POSTN: variants seen among roughly 807,000 people sequenced by gnomAD.
The protein encoded by POSTN is osteoblast specific factor 2 (fasciclin I-like).
Under a neutral mutation model 104.5 loss-of-function variants are expected in POSTN, and 71 were observed. The ratio of observed to expected loss-of-function variants is 0.68; its 90% CI spans 0.56 to 0.83. POSTN has a LOEUF of 0.83. POSTN is among the 40% of genes least tolerant of loss of function. POSTN has a pLI of 0.00. For synonymous variants in POSTN, 355 were observed against 340.7 expected (o/e 1.04, Z -0.46); for missense variants, 949 against 1,006.8 (o/e 0.94, Z 0.78).
chr13:37,592,287 T>C (rs976684504), intron 2 of POSTN, 123 bp from the exon 3 acceptor site: 7 of 683,130 alleles, frequency 1.0e-5, no homozygotes, highest in African/African-American at 9.4e-5. Context: ...TCAGGTTTTT[T>C]TTCCCCCCTG....
At chr13:37,569,636 A>G (rs1168336941) in intron 20 of POSTN, 108 bp downstream of exon 20, 5 of 952,732 alleles carry the variant, frequency 5.2e-6, no homozygotes, top group Non-Finnish European at 8.4e-6. Flanking sequence ...TTGGTATGGA[A>G]ATGAACAATA....
rs74930188 is a variant in POSTN, at chr13:37,577,457, G to A, written c.2008+296C>T. ...TTAGATATTTCTAGAGGGTCTTTTC[G>A]CCATCTCTTCCCTTTATATGTCTTT... On this transcript the variant is annotated intron_variant, in intron 16 of 22. Transcript: ENST00000379747. Among the ~76,000 whole-genome samples the A allele has an allele frequency of 0.016, 2,481 of 152,198 alleles. 32 individuals carry two copies. Among genetic ancestry groups the A allele is most frequent in the Non-Finnish European group, 0.025 (1,691 of 68,006 alleles).
chr13:37,567,373 G>GA lies in POSTN; in HGVS notation c.2431+1926dup, dbSNP rs34367215. 4.1e-3 allele frequency among the ~76,000 whole-genome samples: 594 copies of GA among 144,062 alleles called. 1 individual carries two copies. The highest frequency in any genetic ancestry group is 5.7e-3 in the Non-Finnish European group (372 of 65,162). The allele number at this position is 144,062 out of a possible 152,430, so 94.5% of individuals were successfully genotyped here. A position where few individuals can be genotyped will look rare whatever the true frequency, so the allele number is the denominator to read the frequency against. On this transcript the variant is annotated intron_variant, in intron 21 of 22. Transcript: ENST00000379747. ...ATATGTATTAATTGGCCAGACCTTG[G>GA]AAAAAAAAAAAGTCTTACATAGTGT...
At chr13:37,590,174 A>C (rs1429079749) in intron 4 of POSTN, among the ~76,000 whole-genome samples, 198 bp downstream of exon 4, 2 of 152,094 alleles carry the variant, frequency 1.3e-5, no homozygotes, top group Non-Finnish European at 2.9e-5. Context: ...ATTAAAGTAT[A>C]AGTCTCCTGG....
At chr13:37,566,145 A>G (rs2138141027) in intron 21 of POSTN, among the ~76,000 whole-genome samples, 1 of 152,316 alleles carries the variant, frequency 6.6e-6, no homozygotes, top group South Asian at 2.1e-4. Flanking sequence ...ATTAATGTGT[A>G]GAAAACAGGT....
Position 37,597,300 on chromosome 13 carries a change from AG to A in POSTN, c.120-19del, listed in dbSNP as rs1274365432. 6.6e-7 allele frequency: 1 copy of A among 1,526,076 alleles called. No individual in the cohort carries two copies. Among genetic ancestry groups the A allele is most frequent in the Non-Finnish European group, 8.9e-7 (1 of 1,126,958 alleles). 94.5% of individuals were successfully genotyped at this position (1,526,076 alleles called of 1,614,324 possible). A position where few individuals can be genotyped will look rare whatever the true frequency, so the allele number is the denominator to read the frequency against. The stretch of plus-strand genomic sequence containing the variant: ...CATTTGGGCTGGAGGATAGAGGGAA[AG>A]GAAAAAAGTTAATGTCCTAATAATG... On this transcript the variant is annotated intron_variant, in intron 1 of 22. Transcript: ENST00000379747.
chr13:37,566,516 T>C (rs1469104359), intron 21 of POSTN, among the ~76,000 whole-genome samples: 1 of 152,108 alleles, frequency 6.6e-6, no homozygotes, highest in African/African-American at 2.4e-5. Flanking sequence ...ATTTAGACTG[T>C]AGGTATCACT....
chr13:37,571,011 T>C (rs1466964102), intron 18 of POSTN: 1 of 290,114 alleles, frequency 3.4e-6, no homozygotes, highest in Non-Finnish European at 6.4e-6. Flanking sequence ...TGGAGTGGCT[T>C]ATTAGACAGA....
At chr13:37,582,733 G>A (rs1262396288) in intron 9 of POSTN, among the ~76,000 whole-genome samples, 1 of 152,208 alleles carries the variant, frequency 6.6e-6, no homozygotes, top group Non-Finnish European at 1.5e-5. Flanking sequence ...CAATAATACA[G>A]TTCCAACCAG....
Position 37,580,614 on chromosome 13 carries a change from G to A in POSTN, c.1476C>T (p.Ile492=). The change falls in exon 11 of 23, where the codon ATC becomes ATT. Residue 492 remains isoleucine, a synonymous_variant. Coordinates refer to ENST00000379747, the MANE Select transcript of POSTN (RefSeq NM_006475.3). ...NGAIHIFREI[I]KPAEKSLHEK... ...CATGGAGGGATTTCTCTGCTGGCTT[G>A]ATGATCTCGCGGAATATGTGAATCG... 4 of 1,614,054 alleles carry A rather than the reference G, an allele frequency of 2.5e-6. No individual in the cohort carries two copies. Among genetic ancestry groups the A allele is most frequent in the Non-Finnish European group, 3.4e-6 (4 of 1,179,998 alleles).
chr13:37,571,211 AC>A, intron 18 of POSTN, 157 bp downstream of exon 18: 1 of 532,706 alleles, frequency 1.9e-6, no homozygotes, highest in Non-Finnish European at 3.3e-6. Context: ...TTTATTTCTG[AC>A]CAGCTAATAA....
chr13:37,586,887 C>G lies in POSTN; in HGVS notation c.648G>C (p.Gln216His). 6.2e-7 allele frequency: 1 copy of G among 1,613,542 alleles called. No individual in the cohort carries two copies. Among genetic ancestry groups the G allele is most frequent in the Non-Finnish European group, 8.5e-7 (1 of 1,179,620 alleles). Reference protein sequence around the residue: ...VNCARIIHGNQIATNGVVHVI... With the variant: ...VNCARIIHGNHIATNGVVHVI... ...CATGGACAACACCATTTGTTGCAAT[C>G]TGGTTCCCATGGATGATTCGAGCAC... The change falls in exon 6 of 23, where the codon CAG becomes CAC. Residue 216 changes from glutamine to histidine, a missense_variant. Coordinates refer to ENST00000379747, the MANE Select transcript of POSTN (RefSeq NM_006475.3).
rs746992670 is a variant in POSTN at position 37,582,397 on chromosome 13, C to T, written c.1361G>A (p.Gly454Asp). The part of the protein sequence containing the change: ...YNGQILETIG[G>D]KQLRVFVYRT... Reference sequence around the variant, plus strand: ...ATATACGAAGACTCTGAGCTGTTTGCCTCCGATGGTTTCCAGTATTTGCCC... The same window carrying T: ...ATATACGAAGACTCTGAGCTGTTTGTCTCCGATGGTTTCCAGTATTTGCCC... Residue 454 changes from glycine to aspartate, a missense_variant, in exon 10 of 23, where the codon GGC becomes GAC. Gly to Asp is a moderately conservative substitution (Grantham distance 94, BLOSUM62 -1). Transcript: ENST00000379747. The T allele has an allele frequency of 6.2e-7, 1 of 1,613,610 alleles. No homozygotes were observed. Among genetic ancestry groups the T allele is most frequent in the South Asian group, 1.1e-5 (1 of 90,988 alleles).
chr13:37,577,968 G>A (rs1283630719), intron 15 of POSTN, among the ~76,000 whole-genome samples, 170 bp from the exon 16 acceptor site: 1 of 151,602 alleles, frequency 6.6e-6, no homozygotes, highest in Non-Finnish European at 1.5e-5. Flanking sequence ...TCAGGTCAGA[G>A]GGCATAAAAA....
At chr13:37,583,483 C>A (rs1339357559) in intron 9 of POSTN, among the ~76,000 whole-genome samples, 2 of 148,818 alleles carry the variant, frequency 1.3e-5, no homozygotes, top group Admixed American at 1.3e-4. Context: ...ACTCTGTCGC[C>A]CAGGCTAGAG....
chr13:37,570,793 A>C (rs1950240274), intron 18 of POSTN, 124 bp from the exon 19 acceptor site: 3 of 665,702 alleles, frequency 4.5e-6, no homozygotes, highest in Non-Finnish European at 7.8e-6. Context: ...TTCAATCATA[A>C]ACATTTTTAG....
At chr13:37,582,576 G>A (rs898742050) in intron 9 of POSTN, 62 bp from the exon 10 acceptor site, 59 of 1,404,400 alleles carry the variant, frequency 4.2e-5, no homozygotes, top group Non-Finnish European at 4.4e-5. Flanking sequence ...AGTTTCTCCC[G>A]GTAAGACAGA....
chr13:37,574,028 T>C (rs1184171993), intron 17 of POSTN, among the ~76,000 whole-genome samples: 1 of 151,712 alleles, frequency 6.6e-6, no homozygotes, highest in Non-Finnish European at 1.5e-5. Context: ...ATCAATTCAC[T>C]GCATAAACTA....
chr13:37,582,149 A>G (rs1356741567), intron 10 of POSTN, among the ~76,000 whole-genome samples: 1 of 152,232 alleles, frequency 6.6e-6, no homozygotes, highest in African/African-American at 2.4e-5. Context: ...GTTATTCATA[A>G]TGAAACACAT....
Sources: gnomAD v4.1 joint callset for allele counts (sites outside exome capture counted in the v4.1 genomes callset) on GRCh38, gnomAD v4.1.1 for gene constraint, MANE v1.5 for transcripts, NCBI Gene and HGNC (gene_info 2026-07-23, HGNC 2026-07-21) for gene names.